The following NCEH1 variants were observed in gnomAD, a reference collection of about 807,000 sequenced individuals.
NCEH1 encodes 2-acetyl MAGE hydrolase.
In NCEH1, 9 loss-of-function variants were observed where a neutral mutation model predicts 25.4. That is an observed-to-expected ratio of 0.35 (90% CI 0.21 to 0.62). The LOEUF is 0.62. NCEH1 is among the 20% of genes least tolerant of loss of function. The pLI, the probability that NCEH1 is intolerant of heterozygous loss-of-function variation, is 0.72. For missense variants in NCEH1, 412 were observed against 501.1 expected, an observed-to-expected ratio of 0.82 and a Z score of 1.70; for synonymous variants, 200 against 199.8, an observed-to-expected ratio of 1.00 and a Z score of -0.01.
chr3:172,675,059 C>T (rs550197878), intron 1 of NCEH1, among the ~76,000 whole-genome samples: 11 of 152,222 alleles, frequency 7.2e-5, no homozygotes, highest in East Asian at 5.8e-4. Flanking sequence ...CCTATAATCC[C>T]GGCACCTTGG....
At chr3:172,670,299 T>C (rs976029196) in intron 1 of NCEH1, among the ~76,000 whole-genome samples, 1 of 152,220 alleles carries the variant, frequency 6.6e-6, no homozygotes, top group African/African-American at 2.4e-5. Flanking sequence ...TCTGAAAGCC[T>C]CCTAAACTTG....
intron 3 of NCEH1, among the ~76,000 whole-genome samples, chr3:172,643,721 G>A (rs190355067): frequency 1.5e-3 from 234 of 152,290 alleles, no homozygotes; most frequent in Admixed American, 2.6e-3. Flanking sequence ...ATTGAAGCCC[G>A]GAGGGTAGGC....
chr3:172,679,570 C>A (rs1712224363), intron 1 of NCEH1, among the ~76,000 whole-genome samples: 2 of 151,742 alleles, frequency 1.3e-5, no homozygotes, highest in African/African-American at 4.8e-5. Flanking sequence ...GACACCTAAA[C>A]ACGTACAGAT....
At position 172,710,998 on chromosome 3, in the gene NCEH1, G is replaced by A; in HGVS notation, c.-14C>T. ...GGACGACCTCATCTTGCCCTGGCTC[G>A]GCTCGCCAGCGGGCTGGCAAAGAGG... On this transcript the variant is annotated 5_prime_UTR_variant, in exon 1 of 5. Transcript: ENST00000475381. 1.2e-6 allele frequency: 2 copies of A among 1,613,888 alleles called. No homozygotes were observed. Among genetic ancestry groups the A allele is most frequent in the Non-Finnish European group, 1.7e-6 (2 of 1,179,992 alleles).
At position 172,690,781 on chromosome 3, in the gene NCEH1, T is replaced by C. The variant is rs1437817835; in HGVS notation, c.138+20066A>G. Among the ~76,000 whole-genome samples, 6 of 152,306 alleles carry C rather than the reference T, an allele frequency of 3.9e-5. No homozygotes were observed. The East Asian group carries it at 9.6e-4, about 24-fold the overall frequency. On this transcript the variant is annotated intron_variant, in intron 1 of 4. Coordinates refer to ENST00000475381, the MANE Select transcript of NCEH1 (RefSeq NM_020792.6). ...CCTTCTGTTAGAATTCTAATGTTAA[T>C]AGTGCATATTCAACCTAACAAAAAC...
intron 1 of NCEH1, among the ~76,000 whole-genome samples, chr3:172,666,301 C>T (rs2108509460): frequency 6.6e-6 from 1 of 152,292 alleles, no homozygotes. Flanking sequence ...TCATGGCAAC[C>T]TGCATTTGCA....
At chr3:172,684,235 A>C (rs1029996936) in intron 1 of NCEH1, among the ~76,000 whole-genome samples, 6 of 152,108 alleles carry the variant, frequency 3.9e-5, no homozygotes, top group Non-Finnish European at 7.3e-5. Flanking sequence ...GAATAAAGGA[A>C]TGTCCGTAAT....
At chr3:172,646,941 T>A (rs1717144416) in intron 2 of NCEH1, among the ~76,000 whole-genome samples, 1 of 152,180 alleles carries the variant, frequency 6.6e-6, no homozygotes, top group South Asian at 2.1e-4. Context: ...GTTTGAGCTT[T>A]TGCACTGAAA....
In NCEH1 at chr3:172,683,199, C is replaced by T. The variant is rs1359368633; in HGVS notation, c.138+27648G>A. Among the ~76,000 whole-genome samples, 2 of 66,034 alleles carry T rather than the reference C, an allele frequency of 3.0e-5. 1 individual carries two copies. The highest frequency in any genetic ancestry group is 1.4e-4 in the African/African-American group (2 of 14,120). The allele number at this position is 66,034 out of a possible 152,430, so 43.3% of individuals were successfully genotyped here. The stretch of plus-strand genomic sequence containing the variant: ...CGGGCGGATCACGAGGTCAGGAGAT[C>T]GAGACCATCCCAGCTAAAACGGTGA... On this transcript the variant is annotated intron_variant, in intron 1 of 4. Transcript: ENST00000475381.
chr3:172,656,084 A>C (rs1560187765), intron 1 of NCEH1, among the ~76,000 whole-genome samples: 1 of 152,196 alleles, frequency 6.6e-6, no homozygotes, highest in Non-Finnish European at 1.5e-5. Flanking sequence ...TGGTGAACCT[A>C]TTAAGGACAG....
chr3:172,709,527 G>A (rs546060842), intron 1 of NCEH1, among the ~76,000 whole-genome samples: 1 of 152,158 alleles, frequency 6.6e-6, no homozygotes, highest in African/African-American at 2.4e-5. Flanking sequence ...GGAAAAGAAG[G>A]GGGGCAGGGG....
At chr3:172,654,434 C>G (rs9827009) in intron 1 of NCEH1, among the ~76,000 whole-genome samples, 4 of 152,050 alleles carry the variant, frequency 2.6e-5, no homozygotes, top group Non-Finnish European at 2.9e-5. Flanking sequence ...AAGATCATTG[C>G]GTAAAAAAGT....
At chr3:172,665,075 G>GT (rs1339443117) in intron 1 of NCEH1, among the ~76,000 whole-genome samples, 1 of 152,114 alleles carries the variant, frequency 6.6e-6, no homozygotes, top group Non-Finnish European at 1.5e-5. Flanking sequence ...TTCTGCTCTG[G>GT]TTTCTCCCCA....
At position 172,685,679 on chromosome 3, in the gene NCEH1, G is replaced by A. The variant is rs116811113; in HGVS notation, c.138+25168C>T. ...CTTTTTTTTTCTCTTCCCCTTCATCGACTTAACTTTATACTTATTTTGTTT... is the reference window on the plus strand; with the variant it reads ...CTTTTTTTTTCTCTTCCCCTTCATCAACTTAACTTTATACTTATTTTGTTT... On this transcript the variant is annotated intron_variant, in intron 1 of 4. Transcript: ENST00000475381. Among the ~76,000 whole-genome samples the A allele has an allele frequency of 4.3e-3, 659 of 151,620 alleles. 4 individuals carry two copies. Among genetic ancestry groups the A allele is most frequent in the African/African-American group, 0.015 (622 of 41,282 alleles).
intron 1 of NCEH1, among the ~76,000 whole-genome samples, chr3:172,682,370 A>G (rs1316507496): frequency 1.3e-5 from 2 of 152,122 alleles, no homozygotes; most frequent in African/African-American, 2.4e-5. Flanking sequence ...CTGTACTTCA[A>G]TTGTCCTACA....
chr3:172,662,910 C>A (rs973742206), intron 1 of NCEH1, among the ~76,000 whole-genome samples: 1 of 152,106 alleles, frequency 6.6e-6, no homozygotes, highest in African/African-American at 2.4e-5. Context: ...TTCAAAAAAC[C>A]AGCTCCTGGA....
At chr3:172,646,152 G>A (rs146333444) in intron 2 of NCEH1, among the ~76,000 whole-genome samples, 2 of 152,278 alleles carry the variant, frequency 1.3e-5, no homozygotes, top group Non-Finnish European at 2.9e-5. Flanking sequence ...AGAAGTTTGA[G>A]ACCAGCCTGA....
chr3:172,655,385 C>A (rs1314656121), intron 1 of NCEH1, among the ~76,000 whole-genome samples: 1 of 152,142 alleles, frequency 6.6e-6, no homozygotes, highest in Admixed American at 6.5e-5. Context: ...TGGCTCTGTA[C>A]CCAGGTAGTT....
intron 1 of NCEH1, among the ~76,000 whole-genome samples, chr3:172,665,460 T>TCTGTC (rs1391558429): frequency 1.3e-5 from 2 of 152,324 alleles, no homozygotes; most frequent in Non-Finnish European, 1.5e-5. Context: ...GAGGAGGCAG[T>TCTGTC]CTGTCCGTTC....
Sources: gnomAD v4.1 joint callset for allele counts (sites outside exome capture counted in the v4.1 genomes callset) on GRCh38, gnomAD v4.1.1 for gene constraint, MANE v1.5 for transcripts, NCBI Gene and HGNC (gene_info 2026-07-23, HGNC 2026-07-21) for gene names.